Variants in PTPN20 observed in about 807,000 individuals in gnomAD.
PTPN20 encodes tyrosine-protein phosphatase non-receptor type 20.
PTPN20 carries 9 observed loss-of-function variants against 35.0 expected under a neutral mutation model. That is an observed-to-expected ratio of 0.26 (90% confidence interval 0.15 to 0.45). The LOEUF (loss-of-function observed/expected upper bound fraction) is 0.45. PTPN20 is among the 20% of genes least tolerant of loss of function. The probability of loss-of-function intolerance (pLI) is 1.00; values close to 1 mark genes in which losing one functional copy is unlikely to be tolerated. For missense variants in PTPN20, 111 were observed against 312.5 expected (o/e 0.36, Z 4.86); for synonymous variants, 32 against 100.2 (o/e 0.32, Z 4.06).
chr10:46,936,146 G>T (rs1183567793), intron 2 of PTPN20, among the ~76,000 whole-genome samples: 2 of 151,808 alleles, frequency 1.3e-5, no homozygotes, highest in Admixed American at 6.6e-5. Context: ...TTTTTAACAG[G>T]GTTGTTTGAT....
intron 9 of PTPN20, among the ~76,000 whole-genome samples, chr10:46,998,775 A>G (rs1008141391): frequency 2.0e-5 from 3 of 152,190 alleles, no homozygotes; most frequent in Admixed American, 6.5e-5. Context: ...AAACTGGGTG[A>G]AAGATACACA....
intron 2 of PTPN20, 42 bp from the exon 3 acceptor site, chr10:46,940,581 G>A: frequency 1.9e-6 from 3 of 1,538,712 alleles, no homozygotes; most frequent in Non-Finnish European, 8.9e-7. Flanking sequence ...CTTCTGTATA[G>A]TGTTTTCTAT....
chr10:46,923,637 A>G (rs1226923683), intron 1 of PTPN20, among the ~76,000 whole-genome samples: 4 of 151,412 alleles, frequency 2.6e-5, no homozygotes, highest in Admixed American at 2.6e-4. Flanking sequence ...CTGTCTTCCA[A>G]CTTTGTTCTT....
chr10:46,999,949 A>G lies in PTPN20; in HGVS notation c.1172A>G (p.Gln391Arg). Residue 391 changes from glutamine (Q) to arginine (R), a missense_variant, in exon 10 of 11, where the codon CAA becomes CGA. Gln to Arg is a conservative substitution (Grantham distance 43, BLOSUM62 1). Coordinates refer to ENST00000374339, the MANE Select transcript of PTPN20 (RefSeq NM_001042357.5). ...IMDIVAQMREQRSGMVQTKEQ... is the reference protein window; with the variant it reads ...IMDIVAQMRERRSGMVQTKEQ... The stretch of plus-strand genomic sequence containing the variant: ...GATATAGTGGCCCAAATGAGAGAAC[A>G]ACGTTCTGGCATGGTTCAAACGAAG... 6.2e-7 allele frequency: 1 copy of G among 1,613,832 alleles called. No homozygotes were observed. The highest frequency in any genetic ancestry group is 8.5e-7 in the Non-Finnish European group (1 of 1,179,738).
chr10:46,950,667 G>A (rs2046368133), intron 5 of PTPN20, among the ~76,000 whole-genome samples: 1 of 151,948 alleles, frequency 6.6e-6, no homozygotes, highest in African/African-American at 2.4e-5. Context: ...TAAAGTTAAT[G>A]TATGCTAATA....
chr10:46,925,280 G>T (rs2036839415), intron 1 of PTPN20, among the ~76,000 whole-genome samples: 1 of 148,222 alleles, frequency 6.7e-6, no homozygotes, highest in South Asian at 2.2e-4. Flanking sequence ...TTAGCCACTC[G>T]CTTCTAAGTA....
intron 1 of PTPN20, among the ~76,000 whole-genome samples, chr10:46,929,890 T>C (rs2039009806): frequency 2.8e-5 from 4 of 145,160 alleles, no homozygotes; most frequent in Admixed American, 2.0e-4. Context: ...TCAGTACACA[T>C]GTGTTGATGT....
intron 7 of PTPN20, chr10:46,981,339 A>G (rs1348744670): frequency 1.4e-5 from 2 of 145,162 alleles, no homozygotes; most frequent in Non-Finnish European, 3.0e-5. Flanking sequence ...AGTGGCCATA[A>G]TGGCAGGGAT....
intron 5 of PTPN20, among the ~76,000 whole-genome samples, chr10:46,951,548 T>C (rs1555146359): frequency 6.6e-6 from 1 of 152,214 alleles, no homozygotes; most frequent in Non-Finnish European, 1.5e-5. Context: ...GCAAATATTC[T>C]CCTAAATTTT....
intron 5 of PTPN20, among the ~76,000 whole-genome samples, chr10:46,947,445 T>C (rs1208372225): frequency 1.3e-5 from 2 of 150,506 alleles, no homozygotes; most frequent in South Asian, 2.1e-4. Flanking sequence ...ACAAAAATAG[T>C]TTATAAGAAT....
chr10:46,932,072 G>A, intron 1 of PTPN20, among the ~76,000 whole-genome samples: 1 of 148,156 alleles, frequency 6.7e-6, no homozygotes, highest in East Asian at 1.9e-4. Context: ...TTGTGTGTGT[G>A]TGTGTGTGTG....
chr10:46,942,000 G>T (rs1198986881), intron 3 of PTPN20, among the ~76,000 whole-genome samples: 1 of 44,982 alleles, frequency 2.2e-5, no homozygotes, highest in Non-Finnish European at 3.9e-5. Flanking sequence ...TTTTTTTTGA[G>T]ACAGGCTAAT....
At chr10:47,000,086 A>G (rs967464798) in intron 10 of PTPN20, 112 bp downstream of exon 10, 111 of 1,474,368 alleles carry the variant, frequency 7.5e-5, no homozygotes, top group Non-Finnish European at 9.8e-5. Flanking sequence ...TTGAATTCCT[A>G]CTGTTTGAGG....
At position 46,999,314 on chromosome 10, in the gene PTPN20, G is replaced by T. The variant is rs1471655030; in HGVS notation, c.1135-598G>T. Among the ~76,000 whole-genome samples the T allele has an allele frequency of 1.1e-4, 17 of 152,288 alleles. No homozygotes were observed. The South Asian group carries it at 2.7e-3, about 24-fold the overall frequency. On this transcript the variant is annotated intron_variant, in intron 9 of 10. Coordinates refer to ENST00000374339, the MANE Select transcript of PTPN20 (RefSeq NM_001042357.5). The stretch of plus-strand genomic sequence containing the variant: ...GGCAAGTTCAGCAACACCTGAGCTG[G>T]TCTATATCCTGTTCAGTTGAGCACA...
At chr10:46,925,940 G>T (rs2037209946) in intron 1 of PTPN20, 1 of 978,158 alleles carries the variant, frequency 1.0e-6, no homozygotes, top group Admixed American at 6.2e-5. Flanking sequence ...AGTAAGTCAG[G>T]AAGTTCTCTC....
chr10:47,000,777 A>G lies in PTPN20; in HGVS notation c.*36A>G. On this transcript the variant is annotated 3_prime_UTR_variant, in exon 11 of 11. Coordinates refer to ENST00000374339, the MANE Select transcript of PTPN20 (RefSeq NM_001042357.5). ...TGTTGCCTCTCACTTGAAATTACCA[A>G]GTGGGTTTGCACCTCCTCATAAAGA... The G allele has an allele frequency of 6.2e-7, 1 of 1,612,660 alleles. No homozygotes were observed. Among genetic ancestry groups the G allele is most frequent in the South Asian group, 1.1e-5 (1 of 91,048 alleles).
chr10:47,003,533 A>G (rs1565666696), downstream of PTPN20, among the ~76,000 whole-genome samples: 4 of 149,826 alleles, frequency 2.7e-5, no homozygotes, highest in Admixed American at 6.7e-5. Flanking sequence ...CTATGTAAAA[A>G]TTAATCTTTC....
rs1211165461 is a variant in PTPN20, at chr10:46,922,724, A to G, written c.-123-9653A>G. 7.1e-5 allele frequency among the ~76,000 whole-genome samples: 10 copies of G among 140,842 alleles called. 2 individuals carry two copies. Among genetic ancestry groups the G allele is most frequent in the African/African-American group, 3.1e-4 (10 of 32,698 alleles). 92.4% of individuals were successfully genotyped at this position (140,842 alleles called of 152,430 possible). A position where few individuals can be genotyped will look rare whatever the true frequency, so the allele number is the denominator to read the frequency against. On this transcript the variant is annotated intron_variant, in intron 1 of 10. Coordinates refer to ENST00000374339, the MANE Select transcript of PTPN20 (RefSeq NM_001042357.5). ...ATTACCTGGTGACTCATGGATCCAG[A>G]CAGCCCTCTCAGGCCCTGGAAACCT...
chr10:46,954,694 C>A (rs1395477016), intron 5 of PTPN20, among the ~76,000 whole-genome samples: 1 of 149,398 alleles, frequency 6.7e-6, no homozygotes, highest in East Asian at 2.0e-4. Flanking sequence ...TTTCCAAGAA[C>A]TAGCTTTTAG....
Sources: allele counts gnomAD v4.1 joint callset (sites outside exome capture counted in the v4.1 genomes callset), GRCh38; gene constraint gnomAD v4.1.1; transcripts MANE v1.5; gene names NCBI Gene and HGNC (gene_info 2026-07-23, HGNC 2026-07-21).